The following TTC39B variants were observed in gnomAD, a reference collection of about 807,000 sequenced individuals.
TTC39B encodes tetratricopeptide repeat domain 39B.
Under a neutral mutation model 96.6 loss-of-function variants are expected in TTC39B, and 92 were observed. That is an observed-to-expected ratio of 0.95 (90% CI 0.80 to 1.13). The LOEUF (loss-of-function observed/expected upper bound fraction) is 1.13. Ranked by LOEUF, TTC39B falls within the 50% of genes most tolerant of loss-of-function variation. TTC39B has a pLI of 0.00. For synonymous variants in TTC39B, 367 were observed against 299.4 expected (o/e 1.23, Z -2.33); for missense variants, 955 against 809.3 (o/e 1.18, Z -2.18).
chr9:15,266,998 G>A (rs1239602528), intron 2 of TTC39B, among the ~76,000 whole-genome samples: 2 of 152,318 alleles, frequency 1.3e-5, no homozygotes, highest in East Asian at 3.9e-4. Context: ...AGAATGGCGT[G>A]AACCTGGGAG....
intron 3 of TTC39B, among the ~76,000 whole-genome samples, chr9:15,221,258 A>G (rs895706429): frequency 1.3e-5 from 2 of 152,154 alleles, no homozygotes; most frequent in Non-Finnish European, 1.5e-5. Context: ...TTTCTTCTAC[A>G]TTAGTCAGAA....
At chr9:15,264,700 G>A (rs952254940) in intron 2 of TTC39B, among the ~76,000 whole-genome samples, 3 of 143,330 alleles carry the variant, frequency 2.1e-5, no homozygotes, top group South Asian at 4.4e-4. Context: ...GATAGATATC[G>A]TCATTTGTTC....
chr9:15,209,306 G>A (rs1820053694), intron 6 of TTC39B, among the ~76,000 whole-genome samples: 1 of 152,142 alleles, frequency 6.6e-6, no homozygotes, highest in Admixed American at 6.5e-5. Flanking sequence ...GACAGCAACA[G>A]GGGTCATTTC....
intron 1 of TTC39B, among the ~76,000 whole-genome samples, chr9:15,282,527 G>A (rs1823805444): frequency 6.6e-6 from 1 of 152,110 alleles, no homozygotes; most frequent in Non-Finnish European, 1.5e-5. Flanking sequence ...TGAGAAAGGT[G>A]GTCTTTAAAA....
At chr9:15,179,689 TC>T (rs1327117841) in intron 17 of TTC39B, among the ~76,000 whole-genome samples, 1 of 152,192 alleles carries the variant, frequency 6.6e-6, no homozygotes, top group Non-Finnish European at 1.5e-5. Flanking sequence ...GCTTGTAGTA[TC>T]ATTTTTGTGC....
intron 1 of TTC39B, among the ~76,000 whole-genome samples, chr9:15,284,287 T>A (rs1160873131): frequency 6.6e-6 from 1 of 152,248 alleles, no homozygotes; most frequent in Non-Finnish European, 1.5e-5. Flanking sequence ...AAAATAAGCA[T>A]ATACTATCAT....
At chr9:15,217,548 A>G (rs1328676253) in intron 3 of TTC39B, among the ~76,000 whole-genome samples, 1 of 152,160 alleles carries the variant, frequency 6.6e-6, no homozygotes, top group Non-Finnish European at 1.5e-5. Flanking sequence ...GTAAGGAATG[A>G]CCAGGAGAGC....
At chr9:15,263,941 T>A (rs1228850269) in intron 2 of TTC39B, among the ~76,000 whole-genome samples, 1 of 152,176 alleles carries the variant, frequency 6.6e-6, no homozygotes, top group Non-Finnish European at 1.5e-5. Flanking sequence ...AAGAGCAAGA[T>A]ACATTCTAAA....
rs1824771314 is a variant in TTC39B, at chr9:15,306,941, C to T, written c.240+143G>A. The T allele has an allele frequency of 4.9e-6, 6 of 1,234,456 alleles. No homozygotes were observed. The East Asian group carries it at 7.8e-5, about 16-fold the overall frequency. The allele number at this position is 1,234,456 out of a possible 1,614,324, so 76.5% of individuals were successfully genotyped here. ...GGGACAGACCTACCAAGGCCGGGCG[C>T]CCCCACCCGGCGCCCGCCAGCCCAC... On this transcript the variant is annotated intron_variant, in intron 1 of 19. Transcript: ENST00000512701. This position sits in a 1 kb window ranked among gnomAD's most constrained non-coding sequence, Gnocchi z 5.1.
rs565045304 is a variant in TTC39B, at chr9:15,189,443, A to G, written c.1233+131T>C. On this transcript the variant is annotated intron_variant, in intron 13 of 19. Transcript: ENST00000512701. ...TTAAAAGTTTTGGCTTTTTACTTAT[A>G]TATTTTTTTCTTTATTTTTGTCTAG... is the stretch of plus-strand genomic sequence containing the variant. 2.3e-4 allele frequency: 203 copies of G among 871,572 alleles called. No individual in the cohort carries two copies. In the South Asian group the frequency reaches 3.6e-3, roughly 15 times the overall value. 54.0% of individuals were successfully genotyped at this position (871,572 alleles called of 1,614,324 possible).
intron 3 of TTC39B, 99 bp from the exon 4 acceptor site, chr9:15,214,348 C>CTG (rs370074351): frequency 1.3e-4 from 70 of 525,102 alleles, no homozygotes; most frequent in Non-Finnish European, 2.1e-4. Flanking sequence ...GTGTGTGTGT[C>CTG]TGTGTGTGTG....
exon 10 of TTC39B, chr9:15,191,240 G>T: frequency 6.2e-7 from 1 of 1,609,708 alleles, no homozygotes; most frequent in Non-Finnish European, 8.5e-7. Flanking sequence ...ATCCTTGCTG[G>T]TAAAAGGGAC....
intron 2 of TTC39B, among the ~76,000 whole-genome samples, chr9:15,251,137 A>G (rs1428103954): frequency 6.6e-6 from 1 of 151,252 alleles, no homozygotes; most frequent in Non-Finnish European, 1.5e-5. Flanking sequence ...TGGAGGTTGC[A>G]GTGAGCCAAG....
chr9:15,243,981 C>G (rs1276846498), intron 2 of TTC39B, among the ~76,000 whole-genome samples: 2 of 152,218 alleles, frequency 1.3e-5, no homozygotes, highest in East Asian at 1.9e-4. Context: ...AAAGAAACTA[C>G]TCCAACAGCT....
intron 1 of TTC39B, among the ~76,000 whole-genome samples, chr9:15,279,900 T>C (rs1416595371): frequency 1.6e-4 from 23 of 143,244 alleles, no homozygotes; most frequent in Admixed American, 1.5e-3. Context: ...TTCTTTTTTT[T>C]TTTTTTTTTT....
chr9:15,304,675 T>A (rs1162161394), intron 1 of TTC39B, among the ~76,000 whole-genome samples: 3 of 122,024 alleles, frequency 2.5e-5, no homozygotes, highest in Admixed American at 9.0e-5. Flanking sequence ...CTCTCCCCCA[T>A]CTCAATAAAA....
chr9:15,190,933 G>A (rs1227320212), intron 10 of TTC39B, among the ~76,000 whole-genome samples: 1 of 151,838 alleles, frequency 6.6e-6, no homozygotes, highest in Non-Finnish European at 1.5e-5. Context: ...ATAAGATCTA[G>A]CAAGAAGCAA....
At chr9:15,193,695 G>A (rs1818990133) in intron 8 of TTC39B, among the ~76,000 whole-genome samples, 1 of 152,122 alleles carries the variant, frequency 6.6e-6, no homozygotes, top group Non-Finnish European at 1.5e-5. Flanking sequence ...AATTTCTTCT[G>A]ATTTCTGATT....
chr9:15,167,024 A>ATTT (rs1564299983), exon 20 of TTC39B: 7 of 11,628 alleles, frequency 6.0e-4, no homozygotes, highest in African/African-American at 1.3e-3. Context: ...ATATATATAT[A>ATTT]TATATTTTTT....
Sources: gnomAD v4.1 joint callset for allele counts (sites outside exome capture counted in the v4.1 genomes callset) on GRCh38, gnomAD v4.1.1 for gene constraint, Gnocchi (gnomAD v3.1) non-coding constraint, MANE v1.5 for transcripts, NCBI Gene and HGNC (gene_info 2026-07-23, HGNC 2026-07-21) for gene names.